HS6ST1: variants seen among roughly 807,000 people sequenced by gnomAD.
HS6ST1 encodes heparan-sulfate 6-O-sulfotransferase 1.
Under a neutral mutation model 25.2 loss-of-function variants are expected in HS6ST1, and 3 were observed. That is an observed-to-expected ratio of 0.12 (90% CI 0.05 to 0.31). The LOEUF (loss-of-function observed/expected upper bound fraction) is 0.31. Ranked by LOEUF, HS6ST1 falls within the 10% of genes least tolerant of loss-of-function variation. The probability of loss-of-function intolerance (pLI) is 1.00; values close to 1 mark genes in which losing one functional copy is unlikely to be tolerated. For missense variants in HS6ST1, 310 were observed against 609.6 expected (o/e 0.51, Z 5.18); for synonymous variants, 204 against 275.1 (o/e 0.74, Z 2.56).
intron 1 of HS6ST1, among the ~76,000 whole-genome samples, chr2:128,304,172 A>G (rs912475965): frequency 6.6e-6 from 1 of 152,126 alleles, no homozygotes; most frequent in Admixed American, 6.5e-5. Context: ...AGTCTCCCTA[A>G]TTGCATAAGC....
intron 1 of HS6ST1, among the ~76,000 whole-genome samples, chr2:128,274,108 C>T (rs1432898767): frequency 1.3e-5 from 2 of 152,204 alleles, no homozygotes; most frequent in Non-Finnish European, 2.9e-5. Context: ...CACTATCCAG[C>T]AGGGTCTATC....
intron 1 of HS6ST1, among the ~76,000 whole-genome samples, chr2:128,291,574 G>T (rs571660508): frequency 3.7e-4 from 57 of 152,350 alleles, no homozygotes; most frequent in Non-Finnish European, 6.9e-4. Context: ...CTGAGGGAGA[G>T]CCCCTGGCTG....
At chr2:128,288,097 G>C (rs1693892693) in intron 1 of HS6ST1, among the ~76,000 whole-genome samples, 1 of 152,220 alleles carries the variant, frequency 6.6e-6, no homozygotes, top group Non-Finnish European at 1.5e-5. Flanking sequence ...GGCTCGGCCT[G>C]AGACCTGTCT....
At chr2:128,316,733 G>T (rs1432035165) in intron 1 of HS6ST1, among the ~76,000 whole-genome samples, 1 of 151,836 alleles carries the variant, frequency 6.6e-6, no homozygotes, top group Non-Finnish European at 1.5e-5. Context: ...AGTTGGGGGA[G>T]GGGGGAGAAA....
Position 128,267,829 on chromosome 2 carries a change from TC to T in HS6ST1, c.*332del, listed in dbSNP as rs58484518. 28,283 of 440,932 alleles carry T rather than the reference TC, an allele frequency of 0.064. 2,993 individuals are homozygous for T. The highest frequency in any genetic ancestry group is 0.34 in the African/African-American group (17,150 of 50,344). 27.3% of individuals were successfully genotyped at this position (440,932 alleles called of 1,614,324 possible). Reference sequence around the variant, plus strand: ...CTGGCAGGTCCACTTTCCGCTGTCCTCGTCTCTTGCGCAAACCTTCAGTTTT... The same window carrying T: ...CTGGCAGGTCCACTTTCCGCTGTCCTGTCTCTTGCGCAAACCTTCAGTTTT... On this transcript the variant is annotated 3_prime_UTR_variant, in exon 2 of 2. Transcript: ENST00000259241.
chr2:128,304,810 A>C (rs1694184057), intron 1 of HS6ST1, among the ~76,000 whole-genome samples: 1 of 152,124 alleles, frequency 6.6e-6, no homozygotes, highest in African/African-American at 2.4e-5. Flanking sequence ...ACCCTGGAGC[A>C]CTCAGCATCT....
At chr2:128,315,198 C>G (rs1694344091) in intron 1 of HS6ST1, among the ~76,000 whole-genome samples, 1 of 152,226 alleles carries the variant, frequency 6.6e-6, no homozygotes. Flanking sequence ...ATGCTCTGCT[C>G]ACTCTTGTTC....
chr2:128,313,966 T>C (rs964900523), intron 1 of HS6ST1, among the ~76,000 whole-genome samples: 2 of 152,006 alleles, frequency 1.3e-5, no homozygotes, highest in Admixed American at 1.3e-4. Context: ...GGATTTTTTA[T>C]CTATTTTTAG....
chr2:128,306,818 G>A (rs1017367686), intron 1 of HS6ST1, among the ~76,000 whole-genome samples: 17 of 152,188 alleles, frequency 1.1e-4, no homozygotes, highest in African/African-American at 4.1e-4. Context: ...GGACAGCCCT[G>A]GGTGCGCCCG....
chr2:128,272,641 G>C (rs1270025523), intron 1 of HS6ST1, among the ~76,000 whole-genome samples: 1 of 152,222 alleles, frequency 6.6e-6, no homozygotes, highest in East Asian at 1.9e-4. Flanking sequence ...GGGCAACTGA[G>C]GCAGAGTTGG....
At chr2:128,286,722 C>T (rs937808631) in intron 1 of HS6ST1, among the ~76,000 whole-genome samples, 1 of 152,224 alleles carries the variant, frequency 6.6e-6, no homozygotes, top group African/African-American at 2.4e-5. Context: ...TAGGAAATAC[C>T]TCCTCAGCCC....
chr2:128,281,164 C>G (rs72614432), intron 1 of HS6ST1, among the ~76,000 whole-genome samples: 1 of 152,348 alleles, frequency 6.6e-6, no homozygotes, highest in Non-Finnish European at 1.5e-5. Flanking sequence ...CTCTGGCAGA[C>G]GGAGGCACCT....
chr2:128,301,404 T>C (rs1411194642), intron 1 of HS6ST1, among the ~76,000 whole-genome samples: 1 of 152,134 alleles, frequency 6.6e-6, no homozygotes, highest in Non-Finnish European at 1.5e-5. Flanking sequence ...CAGCAGATCG[T>C]CTTTGGAAAA....
rs1693537489 is a variant in HS6ST1, at chr2:128,267,506, C to T, written c.*656G>A. ...GTGGGGCCTGAACATCAGCTTTGGC[C>T]TCCTGACCCAAAGCATGAAGCAGGA... is the stretch of plus-strand genomic sequence containing the variant. On this transcript the variant is annotated 3_prime_UTR_variant, in exon 2 of 2. Transcript: ENST00000259241. 5 of 153,984 alleles carry T rather than the reference C, an allele frequency of 3.2e-5. No homozygotes were observed. The highest frequency in any genetic ancestry group is 3.2e-4 in the Admixed American group (5 of 15,630). 9.5% of individuals were successfully genotyped at this position (153,984 alleles called of 1,614,324 possible).
At chr2:128,293,023 C>G (rs1306126889) in intron 1 of HS6ST1, among the ~76,000 whole-genome samples, 1 of 152,182 alleles carries the variant, frequency 6.6e-6, no homozygotes, top group Non-Finnish European at 1.5e-5. Flanking sequence ...GTGGCTGCAG[C>G]CCCCCGCTGC....
At chr2:128,275,138 T>C (rs141805200) in intron 1 of HS6ST1, among the ~76,000 whole-genome samples, 1 of 151,938 alleles carries the variant, frequency 6.6e-6, no homozygotes, top group Non-Finnish European at 1.5e-5. Flanking sequence ...TAAAAAGACA[T>C]AGCAATAATT....
intron 1 of HS6ST1, among the ~76,000 whole-genome samples, chr2:128,304,000 A>G (rs1573706714): frequency 1.3e-5 from 2 of 152,306 alleles, no homozygotes. Context: ...TGGGACACTC[A>G]TCTTCTTGCC....
intron 1 of HS6ST1, among the ~76,000 whole-genome samples, chr2:128,291,671 T>C (rs573045580): frequency 6.6e-6 from 1 of 152,318 alleles, no homozygotes; most frequent in African/African-American, 2.4e-5. Context: ...GTGCCTCACC[T>C]GGCCTGGCCT....
intron 1 of HS6ST1, among the ~76,000 whole-genome samples, chr2:128,292,070 G>A (rs906466154): frequency 2.0e-5 from 3 of 152,084 alleles, no homozygotes; most frequent in African/African-American, 4.8e-5. Flanking sequence ...GGATGGAGCC[G>A]GCAGGGGAGG....
Sources: allele counts gnomAD v4.1 joint callset (sites outside exome capture counted in the v4.1 genomes callset), GRCh38; gene constraint gnomAD v4.1.1; transcripts MANE v1.5; gene names NCBI Gene and HGNC (gene_info 2026-07-23, HGNC 2026-07-21).